Variants in CDIN1 observed in about 807,000 individuals in gnomAD.
CDIN1 encodes the protein CDAN1-interacting nuclease 1.
In CDIN1, 33 loss-of-function variants were observed where a neutral mutation model predicts 45.3. The ratio of observed to expected loss-of-function variants is 0.73; its 90% CI spans 0.55 to 0.97. The LOEUF is 0.97. Among genes scored for constraint, CDIN1 ranks in the 50% least tolerant of loss-of-function variants. The pLI is 0.00. For synonymous variants in CDIN1, 118 were observed against 124.4 expected, an observed-to-expected ratio of 0.95 and a Z score of 0.34; for missense variants, 303 against 339.4, an observed-to-expected ratio of 0.89 and a Z score of 0.84.
intron 10 of CDIN1, among the ~76,000 whole-genome samples, chr15:36,805,200 G>A (rs1015063480): frequency 6.6e-6 from 1 of 151,962 alleles, no homozygotes; most frequent in African/African-American, 2.4e-5. Context: ...AAATCCATTG[G>A]GGGTCTTGGA....
chr15:36,734,822 G>A (rs2043957659), intron 10 of CDIN1, among the ~76,000 whole-genome samples: 1 of 152,108 alleles, frequency 6.6e-6, no homozygotes, highest in South Asian at 2.1e-4. Flanking sequence ...AATGATCAAT[G>A]TATTCACTGT....
intron 10 of CDIN1, among the ~76,000 whole-genome samples, chr15:36,739,474 C>T (rs770657024): frequency 1.2e-4 from 18 of 152,160 alleles, no homozygotes; most frequent in Non-Finnish European, 2.1e-4. Flanking sequence ...TGTCTCCTCT[C>T]TCCCTCGCTT....
At chr15:36,736,979 C>G (rs749238965) in intron 10 of CDIN1, among the ~76,000 whole-genome samples, 2 of 151,994 alleles carry the variant, frequency 1.3e-5, no homozygotes, top group Non-Finnish European at 2.9e-5. Flanking sequence ...CCAGCCTGGC[C>G]AACGTGGTGA....
At chr15:36,792,869 G>A (rs527248962) in intron 10 of CDIN1, among the ~76,000 whole-genome samples, 8 of 152,116 alleles carry the variant, frequency 5.3e-5, no homozygotes, top group African/African-American at 1.2e-4. Context: ...CTGCTATACC[G>A]TGCCCTTCCC....
At chr15:36,778,721 G>A (rs547652180) in intron 10 of CDIN1, among the ~76,000 whole-genome samples, 1 of 152,300 alleles carries the variant, frequency 6.6e-6, no homozygotes, top group Non-Finnish European at 1.5e-5. Flanking sequence ...GATTCACTTT[G>A]TAAATGGTGT....
intron 10 of CDIN1, among the ~76,000 whole-genome samples, chr15:36,754,216 T>G (rs1047091302): frequency 2.6e-5 from 4 of 152,102 alleles, no homozygotes; most frequent in Non-Finnish European, 4.4e-5. Context: ...GTCAGGTGAT[T>G]TGTATTTCTG....
chr15:36,692,624 T>A (rs994187782), intron 7 of CDIN1, among the ~76,000 whole-genome samples: 1 of 152,234 alleles, frequency 6.6e-6, no homozygotes, highest in African/African-American at 2.4e-5. Context: ...AGACATCACA[T>A]TTTAAAGGCA....
At chr15:36,804,351 C>A (rs1410212430) in intron 10 of CDIN1, among the ~76,000 whole-genome samples, 2 of 152,068 alleles carry the variant, frequency 1.3e-5, no homozygotes, top group African/African-American at 2.4e-5. Flanking sequence ...AATGGCTGAC[C>A]CCTGCCTGCA....
chr15:36,601,060 G>A (rs1343079950), intron 1 of CDIN1, among the ~76,000 whole-genome samples: 1 of 149,618 alleles, frequency 6.7e-6, no homozygotes, highest in African/African-American at 2.5e-5. Flanking sequence ...CCAAGTAGGG[G>A]TATCAAAAAA....
At chr15:36,708,316 GT>G (rs2042940375) in intron 8 of CDIN1, 1 of 152,158 alleles carries the variant, frequency 6.6e-6, no homozygotes, top group African/African-American at 2.4e-5. Context: ...CGGGCCATTA[GT>G]TGAGGTTGGG....
At chr15:36,802,476 G>A (rs1483129089) in intron 10 of CDIN1, among the ~76,000 whole-genome samples, 1 of 152,142 alleles carries the variant, frequency 6.6e-6, no homozygotes. Context: ...CTAATAGTAT[G>A]ATTCGAAACC....
chr15:36,757,814 C>G (rs2140988829), intron 10 of CDIN1, among the ~76,000 whole-genome samples: 1 of 141,220 alleles, frequency 7.1e-6, no homozygotes, highest in Non-Finnish European at 1.6e-5. Flanking sequence ...AGGCCTGAGT[C>G]ATTCACCTCA....
At chr15:36,611,186 G>T (rs1015989391) in intron 1 of CDIN1, among the ~76,000 whole-genome samples, 1 of 152,168 alleles carries the variant, frequency 6.6e-6, no homozygotes, top group Non-Finnish European at 1.5e-5. Context: ...GGAGAATCTG[G>T]TTCTGACTGA....
At position 36,689,032 on chromosome 15, in the gene CDIN1, A is replaced by G. The variant is rs150455710; in HGVS notation, c.347-2653A>G. On this transcript the variant is annotated intron_variant, in intron 5 of 10. Coordinates refer to ENST00000566621, the MANE Select transcript of CDIN1 (RefSeq NM_001321759.2). ...GTTAAAATGAATGTGGACTCAATGTATACTTTTTGCTGTTATTCCATTTAA... is the reference window on the plus strand; with the variant it reads ...GTTAAAATGAATGTGGACTCAATGTGTACTTTTTGCTGTTATTCCATTTAA... Among the ~76,000 whole-genome samples, 20 of 152,304 alleles carry G rather than the reference A, an allele frequency of 1.3e-4. No individual in the cohort carries two copies. In the East Asian group the frequency reaches 3.7e-3, roughly 28 times the overall value.
intron 10 of CDIN1, among the ~76,000 whole-genome samples, chr15:36,716,027 C>T (rs2043205203): frequency 6.6e-6 from 1 of 152,036 alleles, no homozygotes; most frequent in African/African-American, 2.4e-5. Flanking sequence ...TATCTTAGGC[C>T]TTTAGAGTGA....
At chr15:36,757,516 T>C (rs756230596) in intron 10 of CDIN1, among the ~76,000 whole-genome samples, 1 of 152,182 alleles carries the variant, frequency 6.6e-6, no homozygotes, top group African/African-American at 2.4e-5. Flanking sequence ...AAAATATAAA[T>C]GGGAAATTCC....
chr15:36,586,222 G>A (rs1186260378), intron 1 of CDIN1, among the ~76,000 whole-genome samples: 3 of 142,430 alleles, frequency 2.1e-5, no homozygotes, highest in South Asian at 2.3e-4. Flanking sequence ...TATTACAACT[G>A]CACTATAAAG....
intron 1 of CDIN1, among the ~76,000 whole-genome samples, chr15:36,605,392 C>T (rs1265515306): frequency 6.6e-6 from 1 of 151,806 alleles, no homozygotes; most frequent in Non-Finnish European, 1.5e-5. Flanking sequence ...GGAATTCTCT[C>T]TGTTCTTTGT....
At chr15:36,633,114 A>G (rs2039747670) in intron 1 of CDIN1, among the ~76,000 whole-genome samples, 1 of 152,158 alleles carries the variant, frequency 6.6e-6, no homozygotes, top group Non-Finnish European at 1.5e-5. Flanking sequence ...CTTTTTGCCT[A>G]CCTAATTAAT....
Sources: gnomAD v4.1 joint callset for allele counts (sites outside exome capture counted in the v4.1 genomes callset) on GRCh38, gnomAD v4.1.1 for gene constraint, MANE v1.5 for transcripts, NCBI Gene and HGNC (gene_info 2026-07-23, HGNC 2026-07-21) for gene names.